Variants in ROBO1 observed in about 807,000 individuals in gnomAD.
ROBO1 encodes the protein roundabout guidance receptor 1, also known as roundabout homolog 1.
In ROBO1, 149 loss-of-function variants were observed where a neutral mutation model predicts 195.9. The observed-to-expected ratio is 0.76, with a 90% CI of 0.67 to 0.87. The LOEUF (loss-of-function observed/expected upper bound fraction) is 0.87, where lower values mean the gene tolerates loss of function less well. Among genes scored for constraint, ROBO1 ranks in the 40% least tolerant of loss-of-function variants. The probability of loss-of-function intolerance (pLI) is 0.00; values close to 1 mark genes in which losing one functional copy is unlikely to be tolerated. For missense variants in ROBO1, 1,933 were observed against 2,068.3 expected (o/e 0.93, Z 1.27); for synonymous variants, 816 against 733.2 (o/e 1.11, Z -1.82).
At chr3:78,964,496 AT>A (rs1376078340) in intron 3 of ROBO1, among the ~76,000 whole-genome samples, 9 of 152,260 alleles carry the variant, frequency 5.9e-5, no homozygotes, top group African/African-American at 2.2e-4. Flanking sequence ...AGACCTAAAT[AT>A]GTCCAAAAAA....
At chr3:79,096,362 GTAAA>G (rs1238467147) in intron 3 of ROBO1, among the ~76,000 whole-genome samples, 5 of 151,878 alleles carry the variant, frequency 3.3e-5, no homozygotes, top group East Asian at 1.9e-4. Flanking sequence ...TTTACCAAAA[GTAAA>G]TAAATAGAGA....
intron 2 of ROBO1, among the ~76,000 whole-genome samples, chr3:79,392,192 C>T (rs2106713275): frequency 6.6e-6 from 1 of 152,278 alleles, no homozygotes; most frequent in East Asian, 1.9e-4. Context: ...AACCATCTGG[C>T]ACATACCTGC....
At chr3:79,070,587 T>A (rs2108434216) in intron 3 of ROBO1, among the ~76,000 whole-genome samples, 2 of 152,002 alleles carry the variant, frequency 1.3e-5, no homozygotes, top group Middle Eastern at 3.4e-3. Context: ...CAGTTGTCAG[T>A]CCTTTGTGGA....
chr3:79,665,496 G>A (rs145990377), intron 1 of ROBO1, among the ~76,000 whole-genome samples: 23 of 151,556 alleles, frequency 1.5e-4, no homozygotes, highest in African/African-American at 5.3e-4. Context: ...TCCTTTATAG[G>A]TGTCTCCCCT....
Position 79,530,808 on chromosome 3 carries a change from C to T in ROBO1, c.88+59016G>A, listed in dbSNP as rs1941626924. Among the ~76,000 whole-genome samples, 6 of 132,696 alleles carry T rather than the reference C, an allele frequency of 4.5e-5. No individual in the cohort carries two copies. In the South Asian group the frequency reaches 1.5e-3, roughly 34 times the overall value. The allele number at this position is 132,696 out of a possible 152,430, so 87.1% of individuals were successfully genotyped here. Reference sequence around the variant, plus strand: ...ACACACACACACACACACACACATCCTTCCCTGGATTCCCAGTGTTCTTAG... The same window carrying T: ...ACACACACACACACACACACACATCTTTCCCTGGATTCCCAGTGTTCTTAG... On this transcript the variant is annotated intron_variant, in intron 2 of 30. Coordinates refer to ENST00000464233, the MANE Select transcript of ROBO1 (RefSeq NM_002941.4).
At chr3:79,757,487 T>C (rs1704466633) in intron 1 of ROBO1, among the ~76,000 whole-genome samples, 3 of 145,584 alleles carry the variant, frequency 2.1e-5, no homozygotes, top group South Asian at 2.1e-4. Flanking sequence ...CTTTCTTTCT[T>C]TCTCTCTCTC....
intron 2 of ROBO1, among the ~76,000 whole-genome samples, chr3:79,374,037 A>G (rs2036296115): frequency 1.3e-5 from 2 of 152,178 alleles, no homozygotes; most frequent in Admixed American, 1.3e-4. Context: ...TTCTATTAAA[A>G]GCAAATTTCA....
chr3:78,939,425 T>TGTGA (rs1297898515), intron 3 of ROBO1, among the ~76,000 whole-genome samples: 1 of 147,136 alleles, frequency 6.8e-6, no homozygotes. Context: ...CCATCCTGGC[T>TGTGA]AACAAGGTGA....
chr3:79,161,200 C>G (rs2080957328), intron 2 of ROBO1, among the ~76,000 whole-genome samples: 2 of 152,150 alleles, frequency 1.3e-5, no homozygotes, highest in South Asian at 4.1e-4. Context: ...TATTCCTTGA[C>G]CAAGGCTGCC....
intron 2 of ROBO1, among the ~76,000 whole-genome samples, chr3:79,164,782 G>A (rs1057393491): frequency 1.3e-5 from 2 of 152,060 alleles, no homozygotes; most frequent in Non-Finnish European, 2.9e-5. Flanking sequence ...CTCTCCCCTT[G>A]CTCTATCTGT....
rs1402987591 is a variant in ROBO1 at position 78,597,610 on chromosome 3, A to C, written c.*1303T>G. 1 of 152,306 alleles carries C rather than the reference A, an allele frequency of 6.6e-6. No homozygotes were observed. Among genetic ancestry groups the C allele is most frequent in the Non-Finnish European group, 1.5e-5 (1 of 67,998 alleles). 9.4% of individuals were successfully genotyped at this position (152,306 alleles called of 1,614,324 possible). ...TAAAATGACAAAAAAGGATCATAGA[A>C]ATCTACTAGTCAGAGGGCATCATTT... On this transcript the variant is annotated 3_prime_UTR_variant, in exon 31 of 31. Transcript: ENST00000464233.
intron 4 of ROBO1, among the ~76,000 whole-genome samples, chr3:78,854,366 A>T (rs900318895): frequency 6.7e-6 from 1 of 148,810 alleles, no homozygotes; most frequent in East Asian, 1.9e-4. Flanking sequence ...ATATAAAAAT[A>T]TAAATACATA....
intron 2 of ROBO1, among the ~76,000 whole-genome samples, chr3:79,248,207 A>T (rs1030927534): frequency 3.9e-5 from 6 of 151,976 alleles, no homozygotes; most frequent in African/African-American, 1.2e-4. Context: ...ATATTTTGAG[A>T]TAGGTGATCC....
intron 4 of ROBO1, among the ~76,000 whole-genome samples, chr3:78,931,242 T>TTC (rs2039512238): frequency 7.1e-6 from 1 of 139,946 alleles, no homozygotes; most frequent in South Asian, 2.3e-4. Context: ...CTTTCTTTTT[T>TTC]TTTTTTTTTT....
intron 2 of ROBO1, among the ~76,000 whole-genome samples, chr3:79,420,327 C>A (rs557480672): frequency 3.3e-5 from 5 of 152,108 alleles, no homozygotes; most frequent in African/African-American, 1.2e-4. Flanking sequence ...ACTAGAGAAT[C>A]TTGCATCCAT....
intron 2 of ROBO1, among the ~76,000 whole-genome samples, chr3:79,213,476 ATGT>A (rs1239161638): frequency 6.6e-6 from 1 of 152,092 alleles, no homozygotes; most frequent in African/African-American, 2.4e-5. Context: ...CTAATGACTG[ATGT>A]TGTTGTTTAT....
At chr3:79,681,605 T>C (rs1035868711) in intron 1 of ROBO1, among the ~76,000 whole-genome samples, 20 of 151,956 alleles carry the variant, frequency 1.3e-4, no homozygotes, top group African/African-American at 4.6e-4. Context: ...ATCAAATTTG[T>C]TCTGATGATC....
chr3:79,502,159 C>G (rs1052730573), intron 2 of ROBO1, among the ~76,000 whole-genome samples: 1 of 152,224 alleles, frequency 6.6e-6, no homozygotes, highest in Admixed American at 6.5e-5. Context: ...TCTGGCCGCG[C>G]TTGAGGAACC....
intron 3 of ROBO1, among the ~76,000 whole-genome samples, chr3:78,939,582 C>T (rs1379430637): frequency 6.7e-6 from 1 of 150,330 alleles, no homozygotes; most frequent in Admixed American, 6.6e-5. Flanking sequence ...CGCGCCACTG[C>T]ACTCCAGCCT....
Sources: allele counts gnomAD v4.1 joint callset (sites outside exome capture counted in the v4.1 genomes callset), GRCh38; gene constraint gnomAD v4.1.1; transcripts MANE v1.5; gene names NCBI Gene and HGNC (gene_info 2026-07-23, HGNC 2026-07-21).